Variants in MYEF2 observed in about 807,000 individuals in gnomAD.
The protein encoded by MYEF2 is myelin gene expression factor 2.
MYEF2 carries 37 observed loss-of-function variants against 75.2 expected under a neutral mutation model. The observed-to-expected ratio is 0.49, with a 90% CI of 0.38 to 0.65. The LOEUF is 0.65. Ranked by LOEUF, MYEF2 falls within the 30% of genes least tolerant of loss-of-function variation. The pLI, the probability that MYEF2 is intolerant of heterozygous loss-of-function variation, is 0.00. For missense variants in MYEF2, 634 were observed against 771.4 expected (o/e 0.82, Z 2.11); for synonymous variants, 195 against 241.6 (o/e 0.81, Z 1.79).
intron 2 of MYEF2, among the ~76,000 whole-genome samples, chr15:48,167,912 T>C (rs1039536818): frequency 6.6e-6 from 1 of 151,884 alleles, no homozygotes; most frequent in African/African-American, 2.4e-5. Flanking sequence ...CAAATAGTTG[T>C]CACCTTACAA....
chr15:48,168,119 A>T (rs2040194515), intron 2 of MYEF2, among the ~76,000 whole-genome samples: 1 of 152,152 alleles, frequency 6.6e-6, no homozygotes. Context: ...GATTATTCTG[A>T]AAACAAAACT....
At chr15:48,172,545 T>C (rs1180441295) in intron 1 of MYEF2, among the ~76,000 whole-genome samples, 1 of 148,710 alleles carries the variant, frequency 6.7e-6, no homozygotes, top group Non-Finnish European at 1.5e-5. Flanking sequence ...AGAAAAACAA[T>C]AGAAAAGATC....
At position 48,158,041 on chromosome 15, in the gene MYEF2, G is replaced by GAAC; in HGVS notation, c.934_936dup (p.Val312dup). On this transcript the variant is annotated inframe_insertion, in exon 9 of 17. Coordinates refer to ENST00000324324, the MANE Select transcript of MYEF2 (RefSeq NM_016132.5). ...TCATGTGAACGGTACTCTTCATGAG[G>GAAC]AACAGACTTGTCATCCTAATTGCAA... 6.2e-7 allele frequency: 1 copy of GAAC among 1,613,090 alleles called. No homozygotes were observed.
chr15:48,135,691 G>C lies in MYEF2; in HGVS notation c.*7217C>G, dbSNP rs2038878328. The C allele has an allele frequency of 2.0e-5, 3 of 148,680 alleles. No homozygotes were observed. The highest frequency in any genetic ancestry group is 6.7e-5 in the Admixed American group (1 of 14,928). The allele number at this position is 148,680 out of a possible 1,614,324, so 9.2% of individuals were successfully genotyped here. On this transcript the variant is annotated 3_prime_UTR_variant, in exon 17 of 17. Coordinates refer to ENST00000324324, the MANE Select transcript of MYEF2 (RefSeq NM_016132.5). ...AGGTTATATACATTGCATAACTCCA[G>C]AGGACACCAGAAAAATATGAAAAAA...
rs2040133707 is a variant in MYEF2, at chr15:48,166,366, T to A, written c.424-238A>T. 2.0e-5 allele frequency among the ~76,000 whole-genome samples: 3 copies of A among 151,914 alleles called. No individual in the cohort carries two copies. In the South Asian group the frequency reaches 6.2e-4, roughly 31 times the overall value. ...ACATGTAACAAGCTTGGAGCACATT[T>A]TTCACTTTTAGGTGACTTTTCATTA... On this transcript the variant is annotated intron_variant, in intron 3 of 16. Transcript: ENST00000324324.
chr15:48,156,509 C>CA (rs554884073), intron 9 of MYEF2, among the ~76,000 whole-genome samples: 24 of 142,952 alleles, frequency 1.7e-4, no homozygotes, highest in East Asian at 4.1e-4. Flanking sequence ...AAAATTGACT[C>CA]AAAAAAAAAA....
At chr15:48,175,018 G>A (rs564282114) in intron 1 of MYEF2, among the ~76,000 whole-genome samples, 10 of 152,158 alleles carry the variant, frequency 6.6e-5, no homozygotes, top group South Asian at 2.1e-4. Context: ...CAATACCCAA[G>A]ATATGGAAAC....
chr15:48,164,754 C>A (rs2040075178), intron 5 of MYEF2, among the ~76,000 whole-genome samples: 1 of 152,140 alleles, frequency 6.6e-6, no homozygotes, highest in Non-Finnish European at 1.5e-5. Context: ...AGACTCTCCA[C>A]CAGCAAAAAG....
rs2039005655 is a variant in MYEF2, at chr15:48,139,748, C to T, written c.*3160G>A. On this transcript the variant is annotated 3_prime_UTR_variant, in exon 17 of 17. Transcript: ENST00000324324. ...ACTGCTGCTTGGCCATAATCCACTA[C>T]AGTCCCTAAACAAAAAAACTATGAA... The T allele has an allele frequency of 6.6e-6, 1 of 152,122 alleles. No individual in the cohort carries two copies. Among genetic ancestry groups the T allele is most frequent in the Non-Finnish European group, 1.5e-5 (1 of 67,984 alleles). The allele number at this position is 152,122 out of a possible 1,614,324, so 9.4% of individuals were successfully genotyped here. A position where few individuals can be genotyped will look rare whatever the true frequency, so the allele number is the denominator to read the frequency against.
chr15:48,152,644 A>G (rs1396971825), intron 10 of MYEF2: 8 of 201,226 alleles, frequency 4.0e-5, no homozygotes, highest in Non-Finnish European at 2.0e-5. Flanking sequence ...CAGAAATAGC[A>G]TTACAGCAGA....
chr15:48,173,928 A>G (rs2040424064), intron 1 of MYEF2, among the ~76,000 whole-genome samples: 1 of 152,110 alleles, frequency 6.6e-6, no homozygotes, highest in Non-Finnish European at 1.5e-5. Flanking sequence ...ACCCAAAATG[A>G]CCTATAAATT....
chr15:48,154,655 CA>C (rs748577756), intron 9 of MYEF2, among the ~76,000 whole-genome samples: 12 of 152,032 alleles, frequency 7.9e-5, no homozygotes, highest in Non-Finnish European at 1.8e-4. Flanking sequence ...AATCTTTATA[CA>C]AGTTAAACTA....
intron 16 of MYEF2, 94 bp from the exon 17 acceptor site, chr15:48,143,165 T>A: frequency 2.9e-6 from 2 of 697,680 alleles, no homozygotes; most frequent in Non-Finnish European, 4.1e-6. Flanking sequence ...TTGTGATAAT[T>A]AATTTGATTA....
chr15:48,152,490 T>C (rs1746197483), intron 10 of MYEF2: 1 of 458,054 alleles, frequency 2.2e-6, no homozygotes, highest in African/African-American at 2.0e-5. Context: ...CTTTGAACAT[T>C]TATCAGACAA....
intron 10 of MYEF2, chr15:48,152,986 T>C (rs1210763113): frequency 6.8e-6 from 1 of 146,800 alleles, no homozygotes; most frequent in Non-Finnish European, 1.5e-5. Context: ...AGACATTATT[T>C]GATGTTTTAC....
At chr15:48,147,327 A>G (rs528188256) in intron 16 of MYEF2, among the ~76,000 whole-genome samples, 3 of 152,070 alleles carry the variant, frequency 2.0e-5, no homozygotes, top group East Asian at 3.9e-4. Context: ...AGAATAAAGA[A>G]CAGTCAACTC....
At chr15:48,148,234 T>C (rs960004996) in intron 16 of MYEF2, among the ~76,000 whole-genome samples, 11 of 151,990 alleles carry the variant, frequency 7.2e-5, no homozygotes, top group Non-Finnish European at 1.6e-4. Flanking sequence ...AAAATATTAA[T>C]ACTAGCAAAA....
chr15:48,134,922 T>C lies in MYEF2; in HGVS notation c.*7986A>G, dbSNP rs1555452574. 6.2e-7 allele frequency: 1 copy of C among 1,612,624 alleles called. No individual in the cohort carries two copies. Among genetic ancestry groups the C allele is most frequent in the Non-Finnish European group, 8.5e-7 (1 of 1,178,970 alleles). On this transcript the variant is annotated 3_prime_UTR_variant, in exon 17 of 17. Coordinates refer to ENST00000324324, the MANE Select transcript of MYEF2 (RefSeq NM_016132.5). ...CATGTTGGCCCCTATTCAGAGACTGTGCAGCGTACACAATTAGTGCAGCAG... is the reference window on the plus strand; with the variant it reads ...CATGTTGGCCCCTATTCAGAGACTGCGCAGCGTACACAATTAGTGCAGCAG...
intron 1 of MYEF2, among the ~76,000 whole-genome samples, chr15:48,169,458 T>C (rs2140926013): frequency 6.6e-6 from 1 of 152,344 alleles, no homozygotes; most frequent in Admixed American, 6.5e-5. Context: ...AGTATCCTAA[T>C]ATTTTATGTT....
Sources: gnomAD v4.1 joint callset for allele counts (sites outside exome capture counted in the v4.1 genomes callset) on GRCh38, gnomAD v4.1.1 for gene constraint, MANE v1.5 for transcripts, NCBI Gene and HGNC (gene_info 2026-07-23, HGNC 2026-07-21) for gene names.